The following C1orf21 variants were observed in gnomAD, a reference collection of about 807,000 sequenced individuals.
C1orf21 encodes uncharacterized protein C1orf21.
C1orf21 carries 3 observed loss-of-function variants against 18.7 expected under a neutral mutation model. The observed-to-expected ratio is 0.16, with a 90% CI of 0.07 to 0.42. C1orf21 has a LOEUF of 0.42. C1orf21 is among the 10% of genes least tolerant of loss of function. C1orf21 has a pLI of 0.99. For missense variants in C1orf21, 104 were observed against 143.6 expected (o/e 0.72, Z 1.41); for synonymous variants, 41 against 46.4 (o/e 0.88, Z 0.47).
intron 1 of C1orf21, among the ~76,000 whole-genome samples, chr1:184,420,509 G>A (rs1240082481): frequency 1.3e-5 from 2 of 152,104 alleles, no homozygotes; most frequent in Non-Finnish European, 2.9e-5. Context: ...ATAAATCATT[G>A]TTACCTAAAG....
intron 3 of C1orf21, among the ~76,000 whole-genome samples, chr1:184,553,088 CCTCAAGTCT>C (rs1256485747): frequency 6.6e-6 from 1 of 151,990 alleles, no homozygotes; most frequent in Non-Finnish European, 1.5e-5. Context: ...TCTACAGGGC[CCTCAAGTCT>C]AATGAGGATG....
At position 184,598,471 on chromosome 1, in the gene C1orf21, G is replaced by A; in HGVS notation, c.327+10G>A. Reference sequence around the variant, plus strand: ...TGAAAAAATTGAAAAGGTAAGAAGTGAAATAAATAACCTACATGTTTCAAG... The same window carrying A: ...TGAAAAAATTGAAAAGGTAAGAAGTAAAATAAATAACCTACATGTTTCAAG... On this transcript the variant is annotated intron_variant, in intron 5 of 5. Transcript: ENST00000235307. 2.5e-6 allele frequency: 4 copies of A among 1,608,590 alleles called. No individual in the cohort carries two copies. Among genetic ancestry groups the A allele is most frequent in the Non-Finnish European group, 3.4e-6 (4 of 1,176,088 alleles).
intron 5 of C1orf21, among the ~76,000 whole-genome samples, chr1:184,607,261 A>G (rs1253554701): frequency 6.6e-6 from 1 of 152,220 alleles, no homozygotes; most frequent in Admixed American, 6.5e-5. Context: ...ACAAATTGAA[A>G]ACAGGCACAG....
intron 1 of C1orf21, among the ~76,000 whole-genome samples, chr1:184,399,546 G>A (rs995539571): frequency 1.3e-5 from 2 of 151,732 alleles, no homozygotes; most frequent in Admixed American, 6.6e-5. Flanking sequence ...GTAGAGAGGG[G>A]TTTTTGCCAT....
At chr1:184,535,024 G>A (rs1490459710) in intron 3 of C1orf21, among the ~76,000 whole-genome samples, 3 of 149,946 alleles carry the variant, frequency 2.0e-5, no homozygotes, top group African/African-American at 4.8e-5. Context: ...GGTGCTAAAG[G>A]TAAGGTATTC....
At chr1:184,397,193 TA>T (rs1656064181) in intron 1 of C1orf21, among the ~76,000 whole-genome samples, 2 of 152,320 alleles carry the variant, frequency 1.3e-5, no homozygotes, top group South Asian at 4.1e-4. Flanking sequence ...TATGAAGAAG[TA>T]AAACAAATCT....
At chr1:184,437,258 A>G (rs1233703869) in intron 1 of C1orf21, among the ~76,000 whole-genome samples, 1 of 152,150 alleles carries the variant, frequency 6.6e-6, no homozygotes, top group African/African-American at 2.4e-5. Flanking sequence ...AAGCACAAAA[A>G]GAGGTTGGCA....
chr1:184,511,836 A>G (rs1658151278), intron 3 of C1orf21, among the ~76,000 whole-genome samples: 2 of 152,182 alleles, frequency 1.3e-5, no homozygotes, highest in African/African-American at 4.8e-5. Context: ...GAAGGGGAGA[A>G]GAGCCCCTTA....
intron 3 of C1orf21, among the ~76,000 whole-genome samples, chr1:184,561,710 C>T (rs996917774): frequency 2.0e-5 from 3 of 152,116 alleles, no homozygotes; most frequent in African/African-American, 7.2e-5. Context: ...CTACACCTTC[C>T]GGGATCAAGT....
In C1orf21 at chr1:184,477,485, C is replaced by A; in HGVS notation, c.-25C>A. On this transcript the variant is annotated 5_prime_UTR_variant, in exon 2 of 6. Coordinates refer to ENST00000235307, the MANE Select transcript of C1orf21 (RefSeq NM_030806.4). ...TGTAGAGATGATTTGCAGTTCAGCCCGGCTGAAGCTGACCGAATGAGACTA... is the reference window on the plus strand; with the variant it reads ...TGTAGAGATGATTTGCAGTTCAGCCAGGCTGAAGCTGACCGAATGAGACTA... 6.3e-7 allele frequency: 1 copy of A among 1,596,626 alleles called. No homozygotes were observed. Among genetic ancestry groups the A allele is most frequent in the Non-Finnish European group, 8.6e-7 (1 of 1,167,612 alleles).
At chr1:184,526,216 G>C (rs1233700316) in intron 3 of C1orf21, among the ~76,000 whole-genome samples, 1 of 152,082 alleles carries the variant, frequency 6.6e-6, no homozygotes, top group African/African-American at 2.4e-5. Context: ...GTAAATACAG[G>C]ATTTTAAACA....
At chr1:184,548,187 G>T (rs898288237) in intron 3 of C1orf21, among the ~76,000 whole-genome samples, 5 of 149,614 alleles carry the variant, frequency 3.3e-5, no homozygotes, top group Non-Finnish European at 5.9e-5. Flanking sequence ...CCTCTAGGAA[G>T]TATAGTAATC....
chr1:184,435,331 G>A (rs887168978), intron 1 of C1orf21, among the ~76,000 whole-genome samples: 1 of 152,124 alleles, frequency 6.6e-6, no homozygotes, highest in South Asian at 2.1e-4. Context: ...CTTATAAATA[G>A]TATTTGTTTT....
At chr1:184,536,997 A>C (rs773699182) in intron 3 of C1orf21, among the ~76,000 whole-genome samples, 1 of 152,208 alleles carries the variant, frequency 6.6e-6, no homozygotes, top group Non-Finnish European at 1.5e-5. Context: ...CTTCTGTTGA[A>C]TACAAAGTAC....
intron 1 of C1orf21, among the ~76,000 whole-genome samples, chr1:184,419,459 C>T (rs1013922654): frequency 1.6e-4 from 25 of 152,250 alleles, no homozygotes; most frequent in African/African-American, 5.1e-4. Flanking sequence ...AGGTCTTATT[C>T]ATTCACTCTA....
At chr1:184,422,755 G>C (rs1446314263) in intron 1 of C1orf21, among the ~76,000 whole-genome samples, 6 of 152,188 alleles carry the variant, frequency 3.9e-5, no homozygotes, top group Non-Finnish European at 7.3e-5. Context: ...ATATCTCTCT[G>C]AGAGCATTGT....
chr1:184,572,123 G>A (rs1272604651), intron 3 of C1orf21, among the ~76,000 whole-genome samples: 1 of 152,168 alleles, frequency 6.6e-6, no homozygotes, highest in Non-Finnish European at 1.5e-5. Flanking sequence ...TGCTGTCAAT[G>A]AGAGCTATTA....
intron 2 of C1orf21, among the ~76,000 whole-genome samples, chr1:184,496,852 A>G (rs1424115799): frequency 6.6e-6 from 1 of 152,222 alleles, no homozygotes; most frequent in African/African-American, 2.4e-5. Flanking sequence ...TAAAAGTTCT[A>G]GAAATTACTG....
At chr1:184,547,578 A>G (rs924709673) in intron 3 of C1orf21, among the ~76,000 whole-genome samples, 11 of 152,182 alleles carry the variant, frequency 7.2e-5, no homozygotes, top group African/African-American at 2.7e-4. Flanking sequence ...GAAGCAGTGT[A>G]CACGTGTGCA....
Sources: allele counts gnomAD v4.1 joint callset (sites outside exome capture counted in the v4.1 genomes callset), GRCh38; gene constraint gnomAD v4.1.1; transcripts MANE v1.5; gene names NCBI Gene and HGNC (gene_info 2026-07-23, HGNC 2026-07-21).